Variants in SPIC observed in about 807,000 individuals in gnomAD.
The protein encoded by SPIC is Spi-C transcription factor, also known as transcription factor Spi-C.
SPIC carries 9 observed loss-of-function variants against 16.7 expected under a neutral mutation model. The observed-to-expected ratio is 0.54, with a 90% CI of 0.33 to 0.94. SPIC has a LOEUF of 0.94. SPIC is among the 40% of genes least tolerant of loss of function. SPIC has a pLI of 0.03. For missense variants in SPIC, 241 were observed against 285.8 expected (o/e 0.84, Z 1.13); for synonymous variants, 97 against 102.9 (o/e 0.94, Z 0.35).
Position 101,477,622 on chromosome 12 carries a change from A to G in SPIC, c.68A>G (p.His23Arg). 6.2e-7 allele frequency: 1 copy of G among 1,613,418 alleles called. No homozygotes were observed. The highest frequency in any genetic ancestry group is 8.5e-7 in the Non-Finnish European group (1 of 1,179,892). ...GATGCTTTTGAGGTTCTGAGGCAAC[A>G]TTCAACTGGAGATCTTCAGTACTCG... ...FEDAFEVLRQ[H>R]STGDLQYSPD... is the part of the protein sequence containing the mutation. Residue 23 changes from histidine to arginine, a missense_variant, in exon 3 of 6, where the codon CAT becomes CGT. Transcript: ENST00000551346.
At chr12:101,478,947 G>A (rs1183944706) in intron 3 of SPIC, among the ~76,000 whole-genome samples, 2 of 151,672 alleles carry the variant, frequency 1.3e-5, no homozygotes, top group African/African-American at 2.4e-5. Context: ...GACCAGCCTG[G>A]GCAACATGGC....
intron 3 of SPIC, among the ~76,000 whole-genome samples, chr12:101,478,604 T>C (rs1180313019): frequency 6.6e-6 from 1 of 152,176 alleles, no homozygotes; most frequent in African/African-American, 2.4e-5. Flanking sequence ...ATTAGAAATA[T>C]CTGGTTGACA....
intron 4 of SPIC, among the ~76,000 whole-genome samples, chr12:101,482,011 G>T (rs1873216367): frequency 7.1e-6 from 1 of 141,006 alleles, no homozygotes; most frequent in Admixed American, 7.0e-5. Flanking sequence ...GGGAGGCCGA[G>T]GCAGGTGGAT....
chr12:101,484,616 T>G (rs1202891032), intron 5 of SPIC, among the ~76,000 whole-genome samples: 2 of 151,532 alleles, frequency 1.3e-5, no homozygotes, highest in Non-Finnish European at 2.9e-5. Flanking sequence ...CCGAACCTAT[T>G]CTGGTTCAAG....
chr12:101,481,200 T>TC, intron 4 of SPIC, among the ~76,000 whole-genome samples: 1 of 151,666 alleles, frequency 6.6e-6, no homozygotes. Context: ...TCATCTTTTT[T>TC]TTTTAAGACA....
intron 3 of SPIC, among the ~76,000 whole-genome samples, chr12:101,478,354 TTTTA>T (rs1415764066): frequency 6.6e-6 from 1 of 152,028 alleles, no homozygotes; most frequent in African/African-American, 2.4e-5. Context: ...TTAATTTAAT[TTTTA>T]TTTGTTTATT....
rs1000597179 is a variant in SPIC, at chr12:101,486,258, T to A, written c.320-86T>A. ...AAACCAGTCTCGATGCAGCTTTTAA[T>A]TCAGTAGTTGCTCAACAAACCCTTT... On this transcript the variant is annotated intron_variant, in intron 5 of 5. Coordinates refer to ENST00000551346, the MANE Select transcript of SPIC (RefSeq NM_152323.3). 4 of 1,315,024 alleles carry A rather than the reference T, an allele frequency of 3.0e-6. No homozygotes were observed. In the African/African-American group the frequency reaches 5.9e-5, roughly 20 times the overall value. The allele number at this position is 1,315,024 out of a possible 1,614,324, so 81.5% of individuals were successfully genotyped here. A position where few individuals can be genotyped will look rare whatever the true frequency, so the allele number is the denominator to read the frequency against.
chr12:101,479,482 G>A (rs892108174), intron 3 of SPIC, 100 bp from the exon 4 acceptor site: 15 of 822,436 alleles, frequency 1.8e-5, no homozygotes, highest in Admixed American at 1.8e-4. Context: ...AAACATAGAT[G>A]AGAGCAATTG....
At chr12:101,478,672 C>G (rs1392957523) in intron 3 of SPIC, among the ~76,000 whole-genome samples, 2 of 152,112 alleles carry the variant, frequency 1.3e-5, no homozygotes, top group Non-Finnish European at 2.9e-5. Context: ...TTAAATTGTT[C>G]CAATGAATCT....
In SPIC at chr12:101,486,498, AGGCAACAGG is replaced by A; in HGVS notation, c.475_483del (p.Gly159_Arg161del). On this transcript the variant is annotated inframe_deletion, in exon 6 of 6. Coordinates refer to ENST00000551346, the MANE Select transcript of SPIC (RefSeq NM_152323.3). ...TTGCCGAGCTTTGGGGGAAAAGAAAAGGCAACAGGAAGACCATGACTTACCAGAAAATGG... is the reference window on the plus strand; with the variant it reads ...TTGCCGAGCTTTGGGGGAAAAGAAAAAAGACCATGACTTACCAGAAAATGG... The A allele has an allele frequency of 7.4e-6, 12 of 1,614,232 alleles. No homozygotes were observed. The highest frequency in any genetic ancestry group is 9.3e-6 in the Non-Finnish European group (11 of 1,180,044).
chr12:101,479,024 C>G (rs1873049694), intron 3 of SPIC, among the ~76,000 whole-genome samples: 1 of 151,224 alleles, frequency 6.6e-6, no homozygotes, highest in South Asian at 2.1e-4. Context: ...GGAGTCCCAG[C>G]TACTTGGGAG....
rs1469751636 is a variant in SPIC at position 101,476,809 on chromosome 12, A to C, written c.-77-19A>C. 3 of 818,440 alleles carry C rather than the reference A, an allele frequency of 3.7e-6. No individual in the cohort carries two copies. The East Asian group carries it at 8.8e-5, about 24-fold the overall frequency. 50.7% of individuals were successfully genotyped at this position (818,440 alleles called of 1,614,324 possible). A position where few individuals can be genotyped will look rare whatever the true frequency, so the allele number is the denominator to read the frequency against. The stretch of plus-strand genomic sequence containing the variant: ...GAGACTGCATTTAATTTTGCTTTTT[A>C]AATATTAAACTTTTTCAGGATTGTC... On this transcript the variant is annotated intron_variant, in intron 1 of 5. Transcript: ENST00000551346.
intron 4 of SPIC, among the ~76,000 whole-genome samples, chr12:101,480,965 A>C (rs1873169572): frequency 6.6e-6 from 1 of 151,966 alleles, no homozygotes; most frequent in African/African-American, 2.4e-5. Flanking sequence ...TCTTCTTTCT[A>C]CTTCAGCTCC....
At chr12:101,486,122 C>T (rs1186801009) in intron 5 of SPIC, among the ~76,000 whole-genome samples, 2 of 152,208 alleles carry the variant, frequency 1.3e-5, no homozygotes, top group Non-Finnish European at 1.5e-5. Flanking sequence ...TTAACAACTT[C>T]TCCAACAAAG....
chr12:101,483,007 C>T, intron 5 of SPIC, 107 bp downstream of exon 5: 6 of 897,102 alleles, frequency 6.7e-6, no homozygotes, highest in Admixed American at 2.4e-5. Context: ...GCAAAATATT[C>T]TTTTATCACA....
In SPIC at chr12:101,479,219, A is replaced by AGAAAGAAAGAAAGAAAG. The variant is rs1491303702; in HGVS notation, c.98-360_98-359insAGAAAGAAAGAAAGGAA. 2.6e-3 allele frequency among the ~76,000 whole-genome samples: 215 copies of AGAAAGAAAGAAAGAAAG among 83,354 alleles called. 15 individuals are homozygous for AGAAAGAAAGAAAGAAAG. The highest frequency in any genetic ancestry group is 7.4e-3 in the African/African-American group (198 of 26,780). The allele number at this position is 83,354 out of a possible 152,430, so 54.7% of individuals were successfully genotyped here. On this transcript the variant is annotated intron_variant, in intron 3 of 5. Transcript: ENST00000551346. ...AAGAAAGAAAGAAAGAAAGAAAGAA[A>AGAAAGAAAGAAAGAAAG]GAAGGAAAGAAAGAAAGAAAGAAAA...
At chr12:101,477,163 C>T (rs539923401) in intron 2 of SPIC, among the ~76,000 whole-genome samples, 1 of 152,180 alleles carries the variant, frequency 6.6e-6, no homozygotes, top group South Asian at 2.1e-4. Flanking sequence ...TTCTAAATCA[C>T]TCTCCTCTGC....
rs761675472 is a variant in SPIC at position 101,486,815 on chromosome 12, A to G, written c.*44A>G. On this transcript the variant is annotated 3_prime_UTR_variant, in exon 6 of 6. Coordinates refer to ENST00000551346, the MANE Select transcript of SPIC (RefSeq NM_152323.3). ...TGGTTTACTGGCATCGGAAATCTCT[A>G]CAAGTTTTAATGATTTCTCCCTCCC... 1.4e-6 allele frequency: 2 copies of G among 1,437,650 alleles called. No individual in the cohort carries two copies. The highest frequency in any genetic ancestry group is 1.9e-6 in the Non-Finnish European group (2 of 1,077,456). 89.1% of individuals were successfully genotyped at this position (1,437,650 alleles called of 1,614,324 possible).
intron 4 of SPIC, among the ~76,000 whole-genome samples, chr12:101,482,071 C>T (rs1469696927): frequency 8.7e-5 from 13 of 148,802 alleles, no homozygotes; most frequent in African/African-American, 3.0e-4. Context: ...GGAGAAACCC[C>T]ATCTCTACTA....
Sources: gnomAD v4.1 joint callset for allele counts (sites outside exome capture counted in the v4.1 genomes callset) on GRCh38, gnomAD v4.1.1 for gene constraint, MANE v1.5 for transcripts, NCBI Gene and HGNC (gene_info 2026-07-23, HGNC 2026-07-21) for gene names.